FHIT: variants seen among roughly 807,000 people sequenced by gnomAD.
FHIT encodes fragile histidine triad diadenosine triphosphatase.
FHIT carries 19 observed loss-of-function variants against 17.9 expected under a neutral mutation model. The observed-to-expected ratio is 1.06, with a 90% CI of 0.74 to 1.56. The LOEUF is 1.56. FHIT is among the 40% of genes most tolerant of loss of function. The pLI is 0.00. For synonymous variants in FHIT, 81 were observed against 69.7 expected (o/e 1.16, Z -0.81); for missense variants, 248 against 189.2 (o/e 1.31, Z -1.82).
At chr3:60,287,329 C>A (rs913538931) in intron 5 of FHIT, among the ~76,000 whole-genome samples, 1 of 152,020 alleles carries the variant, frequency 6.6e-6, no homozygotes, top group Non-Finnish European at 1.5e-5. Flanking sequence ...CCACCACACC[C>A]GGCTAATTTT....
At chr3:61,215,043 C>T (rs1470293692) in intron 1 of FHIT, among the ~76,000 whole-genome samples, 4 of 151,490 alleles carry the variant, frequency 2.6e-5, no homozygotes, top group Non-Finnish European at 4.4e-5. Context: ...AAACCCACAG[C>T]CAATATCATA....
chr3:61,026,808 C>A (rs2032757900), intron 3 of FHIT, among the ~76,000 whole-genome samples: 1 of 152,094 alleles, frequency 6.6e-6, no homozygotes, highest in South Asian at 2.1e-4. Context: ...AATTTTTAAA[C>A]TGATAGTAAA....
chr3:59,966,144 T>C (rs536424879), intron 7 of FHIT, among the ~76,000 whole-genome samples: 120 of 152,212 alleles, frequency 7.9e-4, no homozygotes, highest in Non-Finnish European at 1.4e-3. Flanking sequence ...AGCAGAGGTA[T>C]TCTAACAAAG....
At chr3:60,460,052 T>TTA (rs1176633907) in intron 5 of FHIT, among the ~76,000 whole-genome samples, 1 of 152,162 alleles carries the variant, frequency 6.6e-6, no homozygotes, top group Non-Finnish European at 1.5e-5. Context: ...ACACTACTTC[T>TTA]TATAGTCCTC....
At chr3:61,121,244 C>T (rs558708764) in intron 2 of FHIT, among the ~76,000 whole-genome samples, 68 of 152,150 alleles carry the variant, frequency 4.5e-4, no homozygotes, top group Middle Eastern at 6.8e-3. Flanking sequence ...ATACAGAGAA[C>T]GCCACAAATA....
chr3:60,874,022 C>T (rs782030605), intron 3 of FHIT, among the ~76,000 whole-genome samples: 1 of 152,004 alleles, frequency 6.6e-6, no homozygotes, highest in Non-Finnish European at 1.5e-5. Flanking sequence ...CCAACTACAC[C>T]AGATCAAAAC....
chr3:60,756,932 T>C (rs1157149169), intron 4 of FHIT, among the ~76,000 whole-genome samples: 2 of 152,102 alleles, frequency 1.3e-5, no homozygotes, highest in Non-Finnish European at 2.9e-5. Flanking sequence ...TGTGAAACTA[T>C]GGACTGGGGA....
intron 5 of FHIT, among the ~76,000 whole-genome samples, chr3:60,248,286 C>T (rs1705507599): frequency 1.3e-5 from 2 of 152,214 alleles, no homozygotes; most frequent in South Asian, 4.1e-4. Flanking sequence ...TATTCCTGAT[C>T]TGAGGTGATA....
At chr3:60,728,584 C>T (rs896535734) in intron 4 of FHIT, among the ~76,000 whole-genome samples, 3 of 151,784 alleles carry the variant, frequency 2.0e-5, no homozygotes, top group African/African-American at 4.8e-5. Flanking sequence ...TTTTGTTTTG[C>T]GTCGTTTTTT....
chr3:61,042,767 G>A (rs964582440), intron 2 of FHIT, among the ~76,000 whole-genome samples: 1 of 151,716 alleles, frequency 6.6e-6, no homozygotes, highest in Non-Finnish European at 1.5e-5. Flanking sequence ...TTGAACTCAG[G>A]AGGCAGAGGT....
chr3:60,796,190 G>A (rs1553730274), intron 4 of FHIT, among the ~76,000 whole-genome samples: 1 of 152,152 alleles, frequency 6.6e-6, no homozygotes, highest in African/African-American at 2.4e-5. Context: ...GTGGGAATTC[G>A]GGGAGATACA....
chr3:61,101,552 G>C (rs1459764857), intron 2 of FHIT, among the ~76,000 whole-genome samples: 1 of 151,972 alleles, frequency 6.6e-6, no homozygotes, highest in Non-Finnish European at 1.5e-5. Context: ...GCTCTTTTTT[G>C]GTTCCATATG....
intron 1 of FHIT, among the ~76,000 whole-genome samples, chr3:61,221,647 GCTGA>G (rs1176491226): frequency 6.6e-6 from 1 of 152,176 alleles, no homozygotes; most frequent in East Asian, 1.9e-4. Flanking sequence ...CCAAACCCCT[GCTGA>G]CTGGAACATG....
intron 8 of FHIT, among the ~76,000 whole-genome samples, chr3:59,796,397 T>C (rs1466367934): frequency 6.6e-6 from 1 of 152,184 alleles, no homozygotes; most frequent in Non-Finnish European, 1.5e-5. Flanking sequence ...CCTTTGCCTG[T>C]GACACTCTGT....
chr3:59,870,856 C>CGTGT (rs112477825), intron 8 of FHIT, among the ~76,000 whole-genome samples: 72 of 116,234 alleles, frequency 6.2e-4, no homozygotes, highest in African/African-American at 1.8e-3. Flanking sequence ...TAGTAAAGGG[C>CGTGT]GTGTGTGTGT....
At chr3:60,547,426 A>G (rs1222826634) in intron 4 of FHIT, among the ~76,000 whole-genome samples, 1 of 152,212 alleles carries the variant, frequency 6.6e-6, no homozygotes, top group Non-Finnish European at 1.5e-5. Context: ...CTCTCTCTTT[A>G]TAAACAAACA....
chr3:60,628,464 C>T (rs782449921), intron 4 of FHIT, among the ~76,000 whole-genome samples: 5 of 152,196 alleles, frequency 3.3e-5, no homozygotes, highest in Non-Finnish European at 5.9e-5. Flanking sequence ...TGGCCTCACA[C>T]CCAGCTGTTA....
intron 5 of FHIT, among the ~76,000 whole-genome samples, chr3:60,449,441 C>A (rs537353449): frequency 6.6e-6 from 1 of 151,964 alleles, no homozygotes; most frequent in South Asian, 2.1e-4. Flanking sequence ...CACACACACA[C>A]ACACACATAT....
rs371534216 is a variant in FHIT, at chr3:60,646,750, T to A, written c.-17-109771A>T. On this transcript the variant is annotated intron_variant, in intron 4 of 9. Transcript: ENST00000492590. ...CATGGCGTTACTCACAGTGACTGGT[T>A]AAGGGTAAAAGTGGGGGAAAAAAGC... 2.0e-5 allele frequency among the ~76,000 whole-genome samples: 3 copies of A among 152,294 alleles called. No individual in the cohort carries two copies. The East Asian group carries it at 5.8e-4, about 29-fold the overall frequency.
Sources: allele counts gnomAD v4.1 joint callset (sites outside exome capture counted in the v4.1 genomes callset), GRCh38; gene constraint gnomAD v4.1.1; transcripts MANE v1.5; gene names NCBI Gene and HGNC (gene_info 2026-07-23, HGNC 2026-07-21).